SDK2: variants seen among roughly 807,000 people sequenced by gnomAD.
The protein encoded by SDK2 is protein sidekick-2.
SDK2 carries 105 observed loss-of-function variants against 253.9 expected under a neutral mutation model. The ratio of observed to expected loss-of-function variants is 0.41; its 90% CI spans 0.35 to 0.49. SDK2 has a LOEUF of 0.49. Among genes scored for constraint, SDK2 ranks in the 20% least tolerant of loss-of-function variants. The pLI, the probability that SDK2 is intolerant of heterozygous loss-of-function variation, is 0.06. For synonymous variants in SDK2, 1,249 were observed against 1,234.9 expected (o/e 1.01, Z -0.24); for missense variants, 2,608 against 3,003.0 (o/e 0.87, Z 3.07).
At chr17:73,600,657 G>T (rs2045825270) in intron 1 of SDK2, among the ~76,000 whole-genome samples, 1 of 152,200 alleles carries the variant, frequency 6.6e-6, no homozygotes, top group Non-Finnish European at 1.5e-5. Flanking sequence ...AGGGTGTTGT[G>T]GCCATCCAGT....
chr17:73,584,898 G>A (rs751895218), intron 1 of SDK2, among the ~76,000 whole-genome samples: 2 of 152,250 alleles, frequency 1.3e-5, no homozygotes, highest in Non-Finnish European at 2.9e-5. Context: ...CGCTCAGGTC[G>A]AAGCCCGTTG....
At chr17:73,550,929 G>T (rs1203556840) in intron 1 of SDK2, among the ~76,000 whole-genome samples, 3 of 152,286 alleles carry the variant, frequency 2.0e-5, no homozygotes, top group African/African-American at 7.2e-5. Flanking sequence ...AGTGGAGGCA[G>T]GAGGGAAGGG....
intron 21 of SDK2, 113 bp from the exon 22 acceptor site, chr17:73,399,402 TGAG>T (rs2063002787): frequency 8.5e-7 from 1 of 1,173,220 alleles, no homozygotes; most frequent in African/African-American, 1.5e-5. Context: ...TGGAAATGTC[TGAG>T]GAGAAGCACA....
rs73351523 is a variant in SDK2, at chr17:73,560,102, C to T, written c.65-52505G>A. On this transcript the variant is annotated intron_variant, in intron 1 of 44. Transcript: ENST00000392650. Reference sequence around the variant, plus strand: ...AACTATGGAGGACCCGCACACAGAGCCAGGTTCAAATCCAGCTAAGGGCAA... The same window carrying T: ...AACTATGGAGGACCCGCACACAGAGTCAGGTTCAAATCCAGCTAAGGGCAA... Among the ~76,000 whole-genome samples, 1,127 of 152,298 alleles carry T rather than the reference C, an allele frequency of 7.4e-3. 16 individuals carry two copies. The highest frequency in any genetic ancestry group is 0.025 in the African/African-American group (1,042 of 41,568).
chr17:73,505,490 ATCATCATCCTCAATAGCTGGACC>A, intron 2 of SDK2, among the ~76,000 whole-genome samples: 1 of 152,098 alleles, frequency 6.6e-6, no homozygotes, highest in Non-Finnish European at 1.5e-5. Flanking sequence ...CATCATCATC[ATCATCATCCTCAATAGCTGGACC>A]TCATCATCGT....
At chr17:73,560,622 G>A (rs944669235) in intron 1 of SDK2, among the ~76,000 whole-genome samples, 2 of 152,268 alleles carry the variant, frequency 1.3e-5, no homozygotes, top group African/African-American at 4.8e-5. Flanking sequence ...TTACAGGCAT[G>A]AGCCACCTCG....
chr17:73,356,032 A>G (rs1211540064), intron 40 of SDK2, among the ~76,000 whole-genome samples: 1 of 152,196 alleles, frequency 6.6e-6, no homozygotes, highest in Non-Finnish European at 1.5e-5. Context: ...AGCAATGGCG[A>G]GAGGGATGAA....
chr17:73,355,174 A>ATATATATATATATTTTTTTTTTTTT, intron 40 of SDK2, among the ~76,000 whole-genome samples: 3 of 47,224 alleles, frequency 6.4e-5, no homozygotes, highest in African/African-American at 1.6e-4. Flanking sequence ...ATATATATAT[A>ATATATATATATATTTTTTTTTTTTT]TTTTTTTTTT....
chr17:73,423,130 C>A (rs1439393797), intron 14 of SDK2, among the ~76,000 whole-genome samples: 1 of 152,166 alleles, frequency 6.6e-6, no homozygotes, highest in African/African-American at 2.4e-5. Flanking sequence ...TAAATACTGG[C>A]CATTTTCTTT....
chr17:73,430,575 C>A lies in SDK2; in HGVS notation c.1519G>T (p.Val507Phe). Reference sequence around the variant, plus strand: ...ATGGAGGCCTGGGTGCCCTTGATGACACTCTGATCCTGGGGGGGCTTGGTG... The same window carrying A: ...ATGGAGGCCTGGGTGCCCTTGATGAAACTCTGATCCTGGGGGGGCTTGGTG... ...RITKPPQDQS[V>F]IKGTQASMVC... is the part of the protein sequence containing the mutation. Residue 507 changes from valine (V) to phenylalanine (F), a missense_variant, in exon 12 of 45, where the codon GTC becomes TTC. This residue lies in a region of SDK2 where 1,505 missense variants were observed against 1,859.1 expected (regional missense o/e 0.81). Coordinates refer to ENST00000392650, the MANE Select transcript of SDK2 (RefSeq NM_001144952.2). 1 of 1,592,022 alleles carries A rather than the reference C, an allele frequency of 6.3e-7. No homozygotes were observed. The highest frequency in any genetic ancestry group is 8.6e-7 in the Non-Finnish European group (1 of 1,168,940).
At chr17:73,596,067 G>GTGCC in intron 1 of SDK2, among the ~76,000 whole-genome samples, 1 of 152,182 alleles carries the variant, frequency 6.6e-6, no homozygotes, top group Non-Finnish European at 1.5e-5. Flanking sequence ...CCTACCCCCT[G>GTGCC]TGCCTGCCCC....
chr17:73,569,339 G>A (rs747898715), intron 1 of SDK2, among the ~76,000 whole-genome samples: 1 of 151,532 alleles, frequency 6.6e-6, no homozygotes, highest in Admixed American at 6.6e-5. Flanking sequence ...CTGGGATTAC[G>A]GGCGCACGCC....
chr17:73,528,349 G>C (rs2064142442), intron 1 of SDK2, among the ~76,000 whole-genome samples: 1 of 152,194 alleles, frequency 6.6e-6, no homozygotes, highest in Non-Finnish European at 1.5e-5. Context: ...CAGGTGCAGT[G>C]AAAGAAGTAA....
intron 1 of SDK2, among the ~76,000 whole-genome samples, chr17:73,582,835 C>G (rs934342877): frequency 6.6e-6 from 1 of 152,234 alleles, no homozygotes; most frequent in Non-Finnish European, 1.5e-5. Context: ...ACTCTCACTT[C>G]TGTGTGCAGA....
rs534058669 is a variant in SDK2, at chr17:73,544,505, G to A, written c.65-36908C>T. ...GGAGGAGTGGATGGATGGATGGAAA[G>A]AAGGAAAGACAAACGGACAGATGAA... On this transcript the variant is annotated intron_variant, in intron 1 of 44. Coordinates refer to ENST00000392650, the MANE Select transcript of SDK2 (RefSeq NM_001144952.2). 3.9e-5 allele frequency among the ~76,000 whole-genome samples: 6 copies of A among 152,330 alleles called. No homozygotes were observed. In the South Asian group the frequency reaches 6.2e-4, roughly 16 times the overall value.
intron 39 of SDK2, among the ~76,000 whole-genome samples, chr17:73,359,491 C>T (rs939884029): frequency 5.8e-4 from 88 of 152,270 alleles, no homozygotes; most frequent in African/African-American, 2.0e-3. Flanking sequence ...CCCTCAGGAC[C>T]CTGTACTCAT....
intron 1 of SDK2, among the ~76,000 whole-genome samples, chr17:73,581,948 T>C (rs2045540343): frequency 6.6e-6 from 1 of 152,240 alleles, no homozygotes. Flanking sequence ...GTGAGAACTC[T>C]GTCTGGAGCC....
At chr17:73,340,963 C>G (rs1368997483) in intron 44 of SDK2, among the ~76,000 whole-genome samples, 7 of 150,886 alleles carry the variant, frequency 4.6e-5, no homozygotes, top group Admixed American at 4.0e-4. Flanking sequence ...AAGCTGGCCT[C>G]GAACTCCCAA....
At chr17:73,428,356 G>A (rs2063300369) in intron 12 of SDK2, among the ~76,000 whole-genome samples, 1 of 152,078 alleles carries the variant, frequency 6.6e-6, no homozygotes, top group Non-Finnish European at 1.5e-5. Flanking sequence ...GAGGCACGGC[G>A]CCTGGCCAGA....
Sources: gnomAD v4.1 joint callset for allele counts (sites outside exome capture counted in the v4.1 genomes callset) on GRCh38, gnomAD v4.1.1 for gene constraint, gnomAD v4.1.1 regional missense constraint, MANE v1.5 for transcripts, NCBI Gene and HGNC (gene_info 2026-07-23, HGNC 2026-07-21) for gene names.